The following COL26A1 variants were observed in gnomAD, a reference collection of about 807,000 sequenced individuals.
The protein encoded by COL26A1 is collagen type XXVI alpha 1 chain.
Under a neutral mutation model 59.3 loss-of-function variants are expected in COL26A1, and 41 were observed. That is an observed-to-expected ratio of 0.69 (90% CI 0.54 to 0.90). The LOEUF is 0.90. Among genes scored for constraint, COL26A1 ranks in the 40% least tolerant of loss-of-function variants. COL26A1 has a pLI of 0.00. For synonymous variants in COL26A1, 266 were observed against 256.0 expected (o/e 1.04, Z -0.37); for missense variants, 612 against 602.3 (o/e 1.02, Z -0.17).
intron 3 of COL26A1, among the ~76,000 whole-genome samples, chr7:101,474,020 G>C (rs1247705127): frequency 6.6e-6 from 1 of 152,178 alleles, no homozygotes; most frequent in African/African-American, 2.4e-5. Context: ...TGCATGGTGG[G>C]CACCCATGAA....
At chr7:101,555,752 GC>G (rs2130690958) in intron 11 of COL26A1, 34 bp from the exon 12 acceptor site, 1 of 1,557,408 alleles carries the variant, frequency 6.4e-7, no homozygotes, top group East Asian at 2.3e-5. Flanking sequence ...CTTCCTCATG[GC>G]CGGCCCTGAC....
chr7:101,429,175 C>T (rs1308517584), intron 2 of COL26A1, among the ~76,000 whole-genome samples: 1 of 152,136 alleles, frequency 6.6e-6, no homozygotes, highest in African/African-American at 2.4e-5. Flanking sequence ...CCATCCACCT[C>T]AGCCTCCCAA....
At chr7:101,369,007 T>A (rs977463234) in intron 1 of COL26A1, among the ~76,000 whole-genome samples, 4 of 151,750 alleles carry the variant, frequency 2.6e-5, no homozygotes, top group Non-Finnish European at 5.9e-5. Context: ...TGTGTGTGTT[T>A]GTGTCTGTAT....
chr7:101,404,265 A>G (rs1296624618), intron 1 of COL26A1, among the ~76,000 whole-genome samples: 1 of 152,180 alleles, frequency 6.6e-6, no homozygotes, highest in Non-Finnish European at 1.5e-5. Flanking sequence ...TCACTTCTCA[A>G]TATGTGAAAT....
chr7:101,554,990 G>A (rs948892300), intron 11 of COL26A1, among the ~76,000 whole-genome samples: 3 of 152,136 alleles, frequency 2.0e-5, no homozygotes, highest in Admixed American at 2.0e-4. Flanking sequence ...TTCATTTTAA[G>A]CTAAATTAAT....
chr7:101,471,568 T>TTGTTG (rs1414209669), intron 3 of COL26A1, among the ~76,000 whole-genome samples: 85 of 135,582 alleles, frequency 6.3e-4, no homozygotes, highest in African/African-American at 2.6e-3. Context: ...GTTGTTGTTG[T>TTGTTG]TTGTTTTTTT....
chr7:101,413,719 A>T (rs1411614302), intron 1 of COL26A1, among the ~76,000 whole-genome samples: 1 of 152,174 alleles, frequency 6.6e-6, no homozygotes, highest in Non-Finnish European at 1.5e-5. Flanking sequence ...GATGATGCCC[A>T]GAGATAATGC....
chr7:101,489,826 CTT>C lies in COL26A1; in HGVS notation c.385+42041_385+42042del, dbSNP rs1226362290. On this transcript the variant is annotated intron_variant, in intron 3 of 12. Coordinates refer to ENST00000313669, the MANE Select transcript of COL26A1 (RefSeq NM_001278563.3). Reference sequence around the variant, plus strand: ...TCTTTCTTTCTTTCTTTCTTTCTTTCTTTCTTTCTTTCTTTCTTTCTTTCTTT... The same window carrying C: ...TCTTTCTTTCTTTCTTTCTTTCTTTCTCTTTCTTTCTTTCTTTCTTTCTTT... 4.3e-3 allele frequency among the ~76,000 whole-genome samples: 40 copies of C among 9,380 alleles called. 7 individuals are homozygous for C. The highest frequency in any genetic ancestry group is 0.033 in the Middle Eastern group (1 of 30). The allele number at this position is 9,380 out of a possible 152,430, so 6.2% of individuals were successfully genotyped here.
chr7:101,378,130 A>G (rs533632801), intron 1 of COL26A1, among the ~76,000 whole-genome samples: 14 of 152,190 alleles, frequency 9.2e-5, no homozygotes, highest in African/African-American at 3.1e-4. Context: ...CTGTAATCCC[A>G]GCACTTTGGG....
At chr7:101,493,814 T>C (rs1197452427) in intron 3 of COL26A1, among the ~76,000 whole-genome samples, 2 of 145,876 alleles carry the variant, frequency 1.4e-5, no homozygotes. Context: ...GCGTCTGTAG[T>C]CCCAGCTACT....
At chr7:101,477,408 G>A (rs1331989095) in intron 3 of COL26A1, among the ~76,000 whole-genome samples, 1 of 152,176 alleles carries the variant, frequency 6.6e-6, no homozygotes, top group African/African-American at 2.4e-5. Context: ...TGCAGTGAGT[G>A]CATAGTATGT....
chr7:101,512,786 T>A (rs1355281676), intron 3 of COL26A1, among the ~76,000 whole-genome samples: 1 of 151,926 alleles, frequency 6.6e-6, no homozygotes, highest in East Asian at 1.9e-4. Context: ...GTCCTTACCA[T>A]GTAGTTCTTC....
At chr7:101,530,242 C>A (rs1359583992) in intron 3 of COL26A1, among the ~76,000 whole-genome samples, 1 of 151,976 alleles carries the variant, frequency 6.6e-6, no homozygotes. Context: ...CTTCTTTCAG[C>A]CGCACAGGAA....
chr7:101,404,550 T>G (rs746460221), intron 1 of COL26A1, among the ~76,000 whole-genome samples: 9 of 152,144 alleles, frequency 5.9e-5, no homozygotes, highest in Non-Finnish European at 1.2e-4. Context: ...AGCACCGATA[T>G]GAATGTAAAT....
rs559340702 is a variant in COL26A1 at position 101,450,895 on chromosome 7, C to T, written c.385+3108C>T. Among the ~76,000 whole-genome samples the T allele has an allele frequency of 5.6e-5, 8 of 142,346 alleles. No individual in the cohort carries two copies. In the South Asian group the frequency reaches 8.9e-4, roughly 16 times the overall value. The allele number at this position is 142,346 out of a possible 152,430, so 93.4% of individuals were successfully genotyped here. The stretch of plus-strand genomic sequence containing the variant: ...TACAATTCTATATGGATATTGAATG[C>T]GTTATTAATAATTTATATATTCCAG... On this transcript the variant is annotated intron_variant, in intron 3 of 12. Coordinates refer to ENST00000313669, the MANE Select transcript of COL26A1 (RefSeq NM_001278563.3).
intron 3 of COL26A1, among the ~76,000 whole-genome samples, chr7:101,507,691 T>C (rs1794841004): frequency 6.6e-6 from 1 of 152,162 alleles, no homozygotes; most frequent in Non-Finnish European, 1.5e-5. Flanking sequence ...AGGTTGGGAT[T>C]ACTGGCGTGA....
At chr7:101,468,577 C>T (rs958639826) in intron 3 of COL26A1, among the ~76,000 whole-genome samples, 8 of 152,294 alleles carry the variant, frequency 5.3e-5, no homozygotes, top group African/African-American at 1.4e-4. Flanking sequence ...CCCTGGTTAT[C>T]GTAAACTTCC....
chr7:101,499,894 A>G (rs918414053), intron 3 of COL26A1, among the ~76,000 whole-genome samples: 31 of 129,132 alleles, frequency 2.4e-4, no homozygotes, highest in Non-Finnish European at 4.7e-4. Context: ...AAAAAAAAAA[A>G]AACACCTTTG....
chr7:101,537,003 G>A (rs1795496308), intron 4 of COL26A1, among the ~76,000 whole-genome samples: 1 of 152,212 alleles, frequency 6.6e-6, no homozygotes, highest in Non-Finnish European at 1.5e-5. Context: ...AAGGGAGCTG[G>A]GAAACTGAGT....
Sources: gnomAD v4.1 joint callset for allele counts (sites outside exome capture counted in the v4.1 genomes callset) on GRCh38, gnomAD v4.1.1 for gene constraint, MANE v1.5 for transcripts, NCBI Gene and HGNC (gene_info 2026-07-23, HGNC 2026-07-21) for gene names.